The following ZDHHC2 variants were observed in gnomAD, a reference collection of about 807,000 sequenced individuals.
ZDHHC2 encodes the protein zDHHC palmitoyltransferase 2, also known as palmitoyltransferase ZDHHC2.
In ZDHHC2, 51 loss-of-function variants were observed where a neutral mutation model predicts 55.6. The ratio of observed to expected loss-of-function variants is 0.92; its 90% CI spans 0.73 to 1.16. ZDHHC2 has a LOEUF of 1.16. ZDHHC2 is among the 50% of genes most tolerant of loss of function. The probability of loss-of-function intolerance (pLI) is 0.00; values close to 1 mark genes in which losing one functional copy is unlikely to be tolerated. For missense variants in ZDHHC2, 491 were observed against 442.4 expected, an observed-to-expected ratio of 1.11 and a Z score of -0.99; for synonymous variants, 199 against 152.9, an observed-to-expected ratio of 1.30 and a Z score of -2.22.
chr8:17,224,412 C>A lies in ZDHHC2; in HGVS notation c.*4191C>A, dbSNP rs983934877. On this transcript the variant is annotated 3_prime_UTR_variant, in exon 13 of 13. Coordinates refer to ENST00000262096, the MANE Select transcript of ZDHHC2 (RefSeq NM_016353.5). ...AAACTTTTAATAAGTTATTTTAAGC[C>A]CTGGTTTATGGCTAGTTCCCTTTTG... 1 of 151,188 alleles carries A rather than the reference C, an allele frequency of 6.6e-6. No homozygotes were observed. The highest frequency in any genetic ancestry group is 1.5e-5 in the Non-Finnish European group (1 of 67,560). 9.4% of individuals were successfully genotyped at this position (151,188 alleles called of 1,614,324 possible).
chr8:17,179,812 G>A (rs1001493231), intron 1 of ZDHHC2, among the ~76,000 whole-genome samples: 12 of 152,212 alleles, frequency 7.9e-5, no homozygotes, highest in Admixed American at 2.6e-4. Flanking sequence ...CCTATATACC[G>A]TCAGGGCCAA....
At chr8:17,163,525 T>C (rs1227401076) in intron 1 of ZDHHC2, among the ~76,000 whole-genome samples, 1 of 152,224 alleles carries the variant, frequency 6.6e-6, no homozygotes, top group African/African-American at 2.4e-5. Context: ...ATGTTTTATC[T>C]TGATGGAGAA....
chr8:17,162,244 A>C (rs931999718), intron 1 of ZDHHC2, among the ~76,000 whole-genome samples: 4 of 152,250 alleles, frequency 2.6e-5, no homozygotes, highest in African/African-American at 9.6e-5. Flanking sequence ...CAATTAGCAC[A>C]GTCTTAGCAT....
chr8:17,197,542 AG>A (rs751636851), intron 4 of ZDHHC2, 39 bp from the exon 5 acceptor site: 1 of 1,519,978 alleles, frequency 6.6e-7, no homozygotes. Flanking sequence ...TTTTCAATTC[AG>A]TGTTAACTCT....
chr8:17,208,792 G>T (rs1807231442), intron 8 of ZDHHC2, among the ~76,000 whole-genome samples: 1 of 152,158 alleles, frequency 6.6e-6, no homozygotes, highest in African/African-American at 2.4e-5. Flanking sequence ...CAGTTAAATT[G>T]TAATTCATCA....
chr8:17,161,583 C>A (rs931411851), intron 1 of ZDHHC2, among the ~76,000 whole-genome samples: 4 of 152,200 alleles, frequency 2.6e-5, no homozygotes, highest in African/African-American at 9.6e-5. Flanking sequence ...TATTGGCCAG[C>A]ACGGTGGCTC....
intron 1 of ZDHHC2, among the ~76,000 whole-genome samples, chr8:17,179,648 T>C (rs1805332622): frequency 6.6e-6 from 1 of 152,138 alleles, no homozygotes; most frequent in South Asian, 2.1e-4. Context: ...TGGCCTTAAG[T>C]GATCCTCCCA....
chr8:17,193,028 C>T (rs926778004), intron 3 of ZDHHC2, among the ~76,000 whole-genome samples: 1 of 152,150 alleles, frequency 6.6e-6, no homozygotes, highest in African/African-American at 2.4e-5. Context: ...GCTAGTCTTA[C>T]GCCAGTACCG....
intron 1 of ZDHHC2, among the ~76,000 whole-genome samples, chr8:17,170,939 A>T (rs1238828045): frequency 6.6e-6 from 1 of 152,174 alleles, no homozygotes. Flanking sequence ...CCAATTCTAA[A>T]ATTTTGGTTC....
chr8:17,169,439 A>G (rs1804750949), intron 1 of ZDHHC2, among the ~76,000 whole-genome samples: 1 of 152,222 alleles, frequency 6.6e-6, no homozygotes. Context: ...CAGGAATTCA[A>G]CAACAGTTTT....
At chr8:17,158,263 G>C (rs1261725076) in intron 1 of ZDHHC2, among the ~76,000 whole-genome samples, 1 of 152,204 alleles carries the variant, frequency 6.6e-6, no homozygotes, top group African/African-American at 2.4e-5. Flanking sequence ...TATTGAGATA[G>C]ACTGTATATG....
At chr8:17,163,939 T>A (rs1225585217) in intron 1 of ZDHHC2, among the ~76,000 whole-genome samples, 1 of 152,148 alleles carries the variant, frequency 6.6e-6, no homozygotes, top group Non-Finnish European at 1.5e-5. Context: ...TTGTTGAAAA[T>A]TTTTTCCTAA....
chr8:17,217,369 G>T (rs759772888), intron 12 of ZDHHC2, 123 bp downstream of exon 12: 1 of 709,520 alleles, frequency 1.4e-6, no homozygotes, highest in Non-Finnish European at 2.2e-6. Flanking sequence ...TCTTTTACCT[G>T]ACTTGTGAGA....
rs1807693962 is a variant in ZDHHC2, at chr8:17,217,241, AT to A, written c.*30del. The A allele has an allele frequency of 6.3e-7, 1 of 1,591,784 alleles. No homozygotes were observed. The highest frequency in any genetic ancestry group is 1.7e-5 in the Admixed American group (1 of 57,512). On this transcript the variant is annotated 3_prime_UTR_variant, in exon 12 of 13. Transcript: ENST00000262096. The stretch of plus-strand genomic sequence containing the variant: ...TTCAAGCAAGATAAATTCATACTTT[AT>A]AAAAGTACGATAATTTTCCCTTTAT...
intron 1 of ZDHHC2, among the ~76,000 whole-genome samples, chr8:17,158,105 C>G (rs1009894584): frequency 6.6e-6 from 1 of 151,940 alleles, no homozygotes; most frequent in African/African-American, 2.4e-5. Context: ...AAAAAAAAAC[C>G]TTGAGTCTGT....
In ZDHHC2 at chr8:17,205,663, AT is replaced by A. The variant is rs1190289707; in HGVS notation, c.487del (p.Cys163ValfsTer73). On this transcript the variant is annotated frameshift_variant, in exon 7 of 13. Transcript: ENST00000262096. LOFTEE classifies it high-confidence loss of function. Reference sequence around the variant, plus strand: ...TTTTGTTTTGTTAACAGGGTGAACAATTGTGTTGGATTTTCAAATTATAAGT... The same window carrying A: ...TTTTGTTTTGTTAACAGGGTGAACAATGTGTTGGATTTTCAAATTATAAGT... ...KMDHHCPWVN[N>X]CVGFSNYKFF... The A allele has an allele frequency of 6.2e-7, 1 of 1,601,356 alleles. No homozygotes were observed. The highest frequency in any genetic ancestry group is 8.5e-7 in the Non-Finnish European group (1 of 1,176,116).
rs781696243 is a variant in ZDHHC2, at chr8:17,195,578, G to T, written c.327G>T (p.Arg109Ser). The T allele has an allele frequency of 9.3e-6, 15 of 1,613,930 alleles. No individual in the cohort carries two copies. Among genetic ancestry groups the T allele is most frequent in the Non-Finnish European group, 1.3e-5 (15 of 1,179,844 alleles). ...PRGEAHQEVL[R>S]RAAKDLPIYT... is the part of the protein sequence containing the mutation. ...GAGAAGCCCATCAGGAAGTTCTTAGGCGAGCAGCCAAGGATCTTCCCATCT... is the reference window on the plus strand; with the variant it reads ...GAGAAGCCCATCAGGAAGTTCTTAGTCGAGCAGCCAAGGATCTTCCCATCT... Residue 109 changes from arginine (R) to serine (S), a missense_variant, in exon 4 of 13, where the codon AGG (arginine) becomes AGT (serine). By Grantham distance (110) the Arg-to-Ser change is moderately radical. Coordinates refer to ENST00000262096, the MANE Select transcript of ZDHHC2 (RefSeq NM_016353.5).
chr8:17,191,986 T>C (rs888383469), intron 3 of ZDHHC2, among the ~76,000 whole-genome samples: 53 of 152,238 alleles, frequency 3.5e-4, no homozygotes, highest in African/African-American at 1.2e-3. Context: ...TTTATTTTAC[T>C]TTATTGGTAT....
chr8:17,201,207 C>T (rs1166342081), intron 6 of ZDHHC2, among the ~76,000 whole-genome samples: 1 of 152,106 alleles, frequency 6.6e-6, no homozygotes, highest in Non-Finnish European at 1.5e-5. Flanking sequence ...GGATTGTTAA[C>T]GTCATGGCAC....
Sources: allele counts gnomAD v4.1 joint callset (sites outside exome capture counted in the v4.1 genomes callset), GRCh38; gene constraint gnomAD v4.1.1; transcripts MANE v1.5; gene names NCBI Gene and HGNC (gene_info 2026-07-23, HGNC 2026-07-21).